Variants in PDE4DIP observed in about 807,000 individuals in gnomAD.
PDE4DIP encodes the protein phosphodiesterase 4D interacting protein.
Under a neutral mutation model 221.4 loss-of-function variants are expected in PDE4DIP, and 59 were observed. The ratio of observed to expected loss-of-function variants is 0.27; its 90% CI spans 0.22 to 0.33. PDE4DIP has a LOEUF of 0.33. PDE4DIP is among the 10% of genes least tolerant of loss of function. PDE4DIP has a pLI of 1.00. For synonymous variants in PDE4DIP, 404 were observed against 815.9 expected (o/e 0.50, Z 8.60); for missense variants, 1,036 against 2,154.2 (o/e 0.48, Z 10.28).
chr1:149,017,744 G>A lies in PDE4DIP; in HGVS notation c.5519-4G>A, dbSNP rs199759742. The A allele has an allele frequency of 4.3e-5, 68 of 1,569,082 alleles. No homozygotes were observed. Among genetic ancestry groups the A allele is most frequent in the African/African-American group, 6.8e-5 (5 of 73,306 alleles). ...CTCTTCATGTCCTGGTGGTTTGGCC[G>A]CAGGGGCTGACCTGCTGGAAGAGCA... On this transcript the variant is annotated splice_region_variant and splice_polypyrimidine_tract_variant and intron_variant, in intron 33 of 43. Coordinates refer to ENST00000369354, the Ensembl canonical transcript of PDE4DIP.
intron 22 of PDE4DIP, among the ~76,000 whole-genome samples, chr1:148,995,233 C>T (rs78408511): frequency 6.7e-6 from 1 of 148,278 alleles, no homozygotes; most frequent in Non-Finnish European, 1.5e-5. Flanking sequence ...CTGTTTTCCA[C>T]ACCAGCTGTA....
rs1336604187 is a variant in PDE4DIP, at chr1:148,844,421, G to T, written c.234-18829G>T. On this transcript the variant is annotated intron_variant, in intron 1 of 45. Coordinates refer to the PDE4DIP transcript ENST00000524974. Reference sequence around the variant, plus strand: ...GCTCAGCTGGTGCCGAGCAACTCGTGCCAGCCAGTCGTGTCTCAGCCTGGA... The same window carrying T: ...GCTCAGCTGGTGCCGAGCAACTCGTTCCAGCCAGTCGTGTCTCAGCCTGGA... 1 of 246,922 alleles carries T rather than the reference G, an allele frequency of 4.0e-6. No homozygotes were observed. Among genetic ancestry groups the T allele is most frequent in the African/African-American group, 2.4e-5 (1 of 41,930 alleles). The allele number at this position is 246,922 out of a possible 1,614,324, so 15.3% of individuals were successfully genotyped here. A position where few individuals can be genotyped will look rare whatever the true frequency, so the allele number is the denominator to read the frequency against.
At chr1:148,988,016 C>T (rs1553551964) in intron 21 of PDE4DIP, among the ~76,000 whole-genome samples, 3 of 152,116 alleles carry the variant, frequency 2.0e-5, no homozygotes, top group Admixed American at 1.3e-4. Flanking sequence ...TTGTAAGGCA[C>T]CTATTCCAAA....
chr1:148,990,155 T>G (rs2152353660), intron 21 of PDE4DIP: 1 of 914,134 alleles, frequency 1.1e-6, no homozygotes, highest in Non-Finnish European at 1.3e-6. Flanking sequence ...GAGATCAGCC[T>G]GGGCCATTGC....
rs587606065 is a variant in PDE4DIP at position 149,010,634 on chromosome 1, T to C, written c.5080+39T>C. 38 of 1,603,624 alleles carry C rather than the reference T, an allele frequency of 2.4e-5. No homozygotes were observed. In the East Asian group the frequency reaches 7.4e-4, roughly 31 times the overall value. ...AATGGGGCAGAAGCTTCATCTCCTC[T>C]TTCTCTGCTGCCTGTTTGATTTTTC... is the stretch of plus-strand genomic sequence containing the variant. On this transcript the variant is annotated intron_variant, in intron 31 of 43. Transcript: ENST00000369354.
At chr1:148,877,231 A>G (rs1480992739) in intron 3 of PDE4DIP, among the ~76,000 whole-genome samples, 1 of 150,258 alleles carries the variant, frequency 6.7e-6, no homozygotes, top group Non-Finnish European at 1.5e-5. Context: ...TTGACTGAAT[A>G]TTACAAAAAA....
chr1:148,824,215 T>C (rs1488451514), intron 1 of PDE4DIP, among the ~76,000 whole-genome samples: 1 of 145,218 alleles, frequency 6.9e-6, no homozygotes, highest in Non-Finnish European at 1.5e-5. Flanking sequence ...AGCACTCAGC[T>C]GGGGCTGCTG....
At chr1:148,955,714 T>C (rs1234217421) in intron 5 of PDE4DIP, among the ~76,000 whole-genome samples, 3 of 152,058 alleles carry the variant, frequency 2.0e-5, no homozygotes, top group African/African-American at 7.2e-5. Flanking sequence ...GTGAAAAAAA[T>C]TGTCATCTGA....
intron 14 of PDE4DIP, among the ~76,000 whole-genome samples, chr1:148,970,414 A>G: frequency 6.6e-6 from 1 of 152,158 alleles, no homozygotes; most frequent in East Asian, 1.9e-4. Flanking sequence ...ATACCTCAGA[A>G]AAAAAATTAT....
chr1:148,933,372 GC>G (rs1362450440), intron 4 of PDE4DIP, among the ~76,000 whole-genome samples: 3 of 152,222 alleles, frequency 2.0e-5, no homozygotes, highest in Admixed American at 6.5e-5. Flanking sequence ...GTCTGATTGT[GC>G]CAGCTTTGTA....
chr1:148,975,532 C>T (rs1430739775), intron 17 of PDE4DIP, among the ~76,000 whole-genome samples: 3 of 151,866 alleles, frequency 2.0e-5, no homozygotes, highest in African/African-American at 7.3e-5. Context: ...CACATACTTC[C>T]TAAGAAGATT....
Position 148,907,090 on chromosome 1 carries a change from C to T in PDE4DIP, c.141+17196C>T, listed in dbSNP as rs2042021771. Among the ~76,000 whole-genome samples, 3 of 149,148 alleles carry T rather than the reference C, an allele frequency of 2.0e-5. No individual in the cohort carries two copies. The South Asian group carries it at 6.4e-4, about 32-fold the overall frequency. On this transcript the variant is annotated intron_variant, in intron 1 of 43. Coordinates refer to ENST00000369354, the Ensembl canonical transcript of PDE4DIP. ...AACAAAAAAACAATAGTTACTTCTG[C>T]TTGCTTTTGCTTTTGGTGTCCATTT...
At chr1:149,007,365 G>A in exon 28 of PDE4DIP, 1 of 1,091,032 alleles carries the variant, frequency 9.2e-7, no homozygotes, top group Admixed American at 1.8e-5. Context: ...TACTACCTGG[G>A]ACAGAGCTTC....
At chr1:148,859,822 G>GTGTGTA (rs1683318246) in intron 1 of PDE4DIP, among the ~76,000 whole-genome samples, 1 of 130,026 alleles carries the variant, frequency 7.7e-6, no homozygotes, top group African/African-American at 3.1e-5. Context: ...GTGTGTGTGT[G>GTGTGTA]TGTGTGTATG....
chr1:149,028,281 A>G (rs587730633), intron 40 of PDE4DIP, among the ~76,000 whole-genome samples: 1 of 147,434 alleles, frequency 6.8e-6, no homozygotes, highest in South Asian at 2.2e-4. Context: ...GAGAGCTCCA[A>G]TACAAATGTG....
chr1:148,981,508 T>C lies in PDE4DIP; in HGVS notation c.2815+111T>C. 3.8e-6 allele frequency: 5 copies of C among 1,329,314 alleles called. No homozygotes were observed. In the Admixed American group the frequency reaches 6.9e-5, roughly 18 times the overall value. The allele number at this position is 1,329,314 out of a possible 1,614,324, so 82.3% of individuals were successfully genotyped here. A position where few individuals can be genotyped will look rare whatever the true frequency, so the allele number is the denominator to read the frequency against. ...TTGTTTGCACTAACCAGAAAGATCC[T>C]TGTCTGATTTTGGCAGAATTAAACG... On this transcript the variant is annotated intron_variant, in intron 21 of 43. Coordinates refer to ENST00000369354, the Ensembl canonical transcript of PDE4DIP.
intron 42 of PDE4DIP, 133 bp from the exon 46 acceptor site, chr1:149,030,099 C>T: frequency 1.1e-6 from 1 of 923,290 alleles, no homozygotes; most frequent in Non-Finnish European, 1.7e-6. Flanking sequence ...GAGGGGAGGA[C>T]AGGGGGTGGA....
Position 148,934,247 on chromosome 1 carries a change from T to A in PDE4DIP, c.518+1959T>A, listed in dbSNP as rs587696718. ...TATATACATATTGTACAATTCTCAG[T>A]ATGGTACTGTATTTGCTTTCAGATT... On this transcript the variant is annotated intron_variant, in intron 4 of 43. Coordinates refer to ENST00000369354, the Ensembl canonical transcript of PDE4DIP. Among the ~76,000 whole-genome samples the A allele has an allele frequency of 5.2e-4, 79 of 152,276 alleles. No homozygotes were observed. The Middle Eastern group carries it at 0.014, about 26-fold the overall frequency.
intron 27 of PDE4DIP, chr1:149,006,566 T>C (rs868935916): frequency 1.3e-5 from 2 of 151,998 alleles, no homozygotes; most frequent in Non-Finnish European, 1.5e-5. Flanking sequence ...TAATTATTCA[T>C]TGAGTAACTG....
Sources: gnomAD v4.1 joint callset for allele counts (sites outside exome capture counted in the v4.1 genomes callset) on GRCh38, gnomAD v4.1.1 for gene constraint, MANE v1.5 for transcripts, NCBI Gene and HGNC (gene_info 2026-07-23, HGNC 2026-07-21) for gene names.